The following TTN variants were observed in gnomAD, a reference collection of about 807,000 sequenced individuals.
The protein encoded by TTN is titin, also known as connectin.
Under a neutral mutation model 3,223.0 loss-of-function variants are expected in TTN, and 1,525 were observed. The observed-to-expected ratio is 0.47, with a 90% CI of 0.45 to 0.49. The LOEUF (loss-of-function observed/expected upper bound fraction) is 0.49. TTN is among the 20% of genes least tolerant of loss of function. The pLI is 0.00. For synonymous variants in TTN, 14,094 were observed against 15,161.0 expected (o/e 0.93, Z 5.17); for missense variants, 40,786 against 43,424.0 (o/e 0.94, Z 5.40).
At chr2:178,747,676 A>G (rs1227990166) in intron 47 of TTN, 2 of 1,612,900 alleles carry the variant, frequency 1.2e-6, no homozygotes, top group Non-Finnish European at 1.7e-6. Flanking sequence ...CAGCAAGTAA[A>G]TATTGTGTTA....
rs1330714909 is a variant in TTN at position 178,583,819 on chromosome 2, T to G, written c.65363A>C (p.Lys21788Thr). 2 of 1,609,944 alleles carry G rather than the reference T, an allele frequency of 1.2e-6. No homozygotes were observed. Among genetic ancestry groups the G allele is most frequent in the African/African-American group, 2.7e-5 (2 of 74,804 alleles). Residue 21788 changes from lysine to threonine, a missense_variant, in exon 312 of 363, where the codon AAA becomes ACA. Transcript: ENST00000589042. Reference sequence around the variant, plus strand: ...AGCTTCTACGAAATAGCCAATAATTTTACTGCCTCCATCATGCTTTGGACG... The same window carrying G: ...AGCTTCTACGAAATAGCCAATAATTGTACTGCCTCCATCATGCTTTGGACG... ...WARPKHDGGS[K>T]IIGYFVEACK... is the part of the protein sequence containing the mutation.
rs1278375861 is a variant in TTN, at chr2:178,567,083, T to C, written c.79049A>G (p.Lys26350Arg). The C allele has an allele frequency of 3.1e-6, 5 of 1,613,472 alleles. No homozygotes were observed. Among genetic ancestry groups the C allele is most frequent in the East Asian group, 4.5e-5 (2 of 44,852 alleles). Residue 26350 changes from lysine to arginine, a missense_variant, in exon 326 of 363, where the codon AAA (lysine) becomes AGA (arginine). Physicochemically the swap from Lys to Arg is conservative, Grantham distance 26 (BLOSUM62 2). Coordinates refer to ENST00000589042, the MANE Select transcript of TTN (RefSeq NM_001267550.2). ...AACATATTCATTACCTTCTAAGAGT[T>C]TGGTAACTTTCAGAGAATTGGTCAC... Reference protein sequence around the residue: ...EVVTNSLKVTKLLEGNEYVFR... With the variant: ...EVVTNSLKVTRLLEGNEYVFR...
intron 33 of TTN, chr2:178,772,804 G>A (rs900874143): frequency 5.3e-6 from 2 of 377,202 alleles, no homozygotes; most frequent in East Asian, 5.3e-5. Flanking sequence ...AATAAGACAA[G>A]TGCATAATAA....
Position 178,572,289 on chromosome 2 carries a change from C to G in TTN, c.73843G>C (p.Glu24615Gln), listed in dbSNP as rs374131909. 2 of 1,612,558 alleles carry G rather than the reference C, an allele frequency of 1.2e-6. No homozygotes were observed. The highest frequency in any genetic ancestry group is 1.7e-6 in the Non-Finnish European group (2 of 1,178,904). The change falls in exon 326 of 363, where the codon GAA becomes CAA. Residue 24615 changes from glutamate (E) to glutamine (Q), a missense_variant. Transcript: ENST00000589042. ...ATTTTTCCTGGAGGAAGAGGTCGTT[C>G]TGATGCTTTCACAGATTCTGCGGTT... ...AETAESVKAS[E>Q]RPLPPGKITL...
At position 178,572,147 on chromosome 2, in the gene TTN, T is replaced by C; in HGVS notation, c.73985A>G (p.Lys24662Arg). ...IVEMQTKGSD[K>R]WATCATVKVT... Reference sequence around the variant, plus strand: ...CTTGACTGTGGCACACGTGGCCCATTTGTCACTGCCTTTGGTCTGCATCTC... The same window carrying C: ...CTTGACTGTGGCACACGTGGCCCATCTGTCACTGCCTTTGGTCTGCATCTC... The change falls in exon 326 of 363, where the codon AAA (lysine) becomes AGA (arginine). Residue 24662 changes from lysine to arginine, a missense_variant. Coordinates refer to ENST00000589042, the MANE Select transcript of TTN (RefSeq NM_001267550.2). The C allele has an allele frequency of 6.2e-7, 1 of 1,613,422 alleles. No individual in the cohort carries two copies. The highest frequency in any genetic ancestry group is 8.5e-7 in the Non-Finnish European group (1 of 1,179,638).
chr2:178,712,338 C>A lies in TTN; in HGVS notation c.27584G>T (p.Cys9195Phe). 1 of 1,613,620 alleles carries A rather than the reference C, an allele frequency of 6.2e-7. No individual in the cohort carries two copies. Among genetic ancestry groups the A allele is most frequent in the South Asian group, 1.1e-5 (1 of 91,056 alleles). The change falls in exon 95 of 363, where the codon TGT (cysteine) becomes TTT (phenylalanine). Residue 9195 changes from cysteine (C) to phenylalanine (F), a missense_variant. Transcript: ENST00000589042. The part of the protein sequence containing the change: ...YIENASGKDS[C>F]SAQILILEPP... ...ACCTAGTATGAGTATTTGTGCTGAA[C>A]AGGAATCTTTTCCAGAGGCATTTTC...
intron 347 of TTN, 32 bp downstream of exon 347, chr2:178,543,037 T>A: frequency 6.1e-6 from 2 of 329,706 alleles, no homozygotes; most frequent in Non-Finnish European, 1.0e-5. Flanking sequence ...TTTACTTTAC[T>A]TTTTTTTTTT....
Position 178,795,367 on chromosome 2 carries a change from C to T in TTN, c.915-115G>A. The stretch of plus-strand genomic sequence containing the variant: ...AGGCAGAGTTTTAAAATGTGTGCCT[C>T]CATAACCCATTCAGAGGGTAAATAA... On this transcript the variant is annotated intron_variant, in intron 6 of 362. Coordinates refer to ENST00000589042, the MANE Select transcript of TTN (RefSeq NM_001267550.2). The T allele has an allele frequency of 4.4e-6, 4 of 909,602 alleles. No individual in the cohort carries two copies. The South Asian group carries it at 5.5e-5, about 13-fold the overall frequency. 56.3% of individuals were successfully genotyped at this position (909,602 alleles called of 1,614,324 possible).
Position 178,562,019 on chromosome 2 carries a change from G to A in TTN, c.84113C>T (p.Ser28038Leu). Reference sequence around the variant, plus strand: ...AACTGTTATGGATCCAGCACTGTTTGAAACACATAATTCATAAGTTCCAAC... The same window carrying A: ...AACTGTTATGGATCCAGCACTGTTTAAAACACATAATTCATAAGTTCCAAC... Reference protein sequence around the residue: ...EDVGTYELCVSNSAGSITVPI... With the variant: ...EDVGTYELCVLNSAGSITVPI... The change falls in exon 326 of 363, where the codon TCA (serine) becomes TTA (leucine). Residue 28038 changes from serine (S) to leucine (L), a missense_variant. Physicochemically the swap from Ser to Leu is moderately radical, Grantham distance 145. Transcript: ENST00000589042. 6.2e-7 allele frequency: 1 copy of A among 1,613,464 alleles called. No individual in the cohort carries two copies. Among genetic ancestry groups the A allele is most frequent in the Non-Finnish European group, 8.5e-7 (1 of 1,179,702 alleles).
intron 311 of TTN, 30 bp from the exon 312 acceptor site, chr2:178,583,936 T>TA: frequency 6.7e-7 from 1 of 1,487,742 alleles, no homozygotes; most frequent in Non-Finnish European, 9.0e-7. Flanking sequence ...ACTCACCATT[T>TA]ATCTTACCAG....
rs727504205 is a variant in TTN at position 178,718,115 on chromosome 2, C to A, written c.24891G>T (p.Trp8297Cys). Residue 8297 changes from tryptophan to cysteine, a missense_variant, in exon 86 of 363, where the codon TGG becomes TGT. Transcript: ENST00000589042. ...VDGTPEIRIS[W>C]YKEHTKLRSA... ...ATCGTAGCTTTGTGTGTTCTTTATA[C>A]CAAGAAATTCTAATTTCTGGAGTTC... 1.9e-6 allele frequency: 3 copies of A among 1,611,992 alleles called. No individual in the cohort carries two copies. The highest frequency in any genetic ancestry group is 2.5e-6 in the Non-Finnish European group (3 of 1,179,680).
At chr2:178,747,097 C>G in intron 47 of TTN, 1 of 1,610,010 alleles carries the variant, frequency 6.2e-7, no homozygotes, top group South Asian at 1.1e-5. Context: ...GCTCTAGAGT[C>G]TCTCCTGGGG....
Position 178,633,063 on chromosome 2 carries a change from A to G in TTN, c.43087-19T>C, listed in dbSNP as rs747245540. On this transcript the variant is annotated intron_variant, in intron 233 of 362. Coordinates refer to ENST00000589042, the MANE Select transcript of TTN (RefSeq NM_001267550.2). ...CACAGTCCTGTTTGGAGTGAGGGTT[A>G]GAAGGAAAGAAAGAACATCATTTAT... The G allele has an allele frequency of 6.2e-7, 1 of 1,607,926 alleles. No homozygotes were observed. The highest frequency in any genetic ancestry group is 8.5e-7 in the Non-Finnish European group (1 of 1,177,402).
At chr2:178,804,419 C>T (rs2094214897) in intron 2 of TTN, 133 bp downstream of exon 2, 1 of 806,826 alleles carries the variant, frequency 1.2e-6, no homozygotes, top group Non-Finnish European at 2.1e-6. Context: ...TTAAAATGAC[C>T]TTTCCATAGT....
At chr2:178,646,258 A>T (rs1364941084) in intron 216 of TTN, among the ~76,000 whole-genome samples, 1 of 150,830 alleles carries the variant, frequency 6.6e-6, no homozygotes, top group Non-Finnish European at 1.5e-5. Context: ...AAATACAGCA[A>T]AGGCACCAAT....
chr2:178,683,513 T>C (rs1471903461), intron 133 of TTN, among the ~76,000 whole-genome samples: 3 of 152,108 alleles, frequency 2.0e-5, no homozygotes, highest in Non-Finnish European at 4.4e-5. Context: ...AATCAAGTAG[T>C]ATTTATAAAA....
In TTN at chr2:178,583,761, G is replaced by A; in HGVS notation, c.65421C>T (p.Cys21807=). 6.2e-7 allele frequency: 1 copy of A among 1,611,656 alleles called. No homozygotes were observed. The highest frequency in any genetic ancestry group is 1.3e-5 in the African/African-American group (1 of 74,972). ...CKLPGDKWVR[C]NTAPHQIPQE... ...GGGGAATCTGGTGAGGTGCAGTATT[G>A]CACCGTACCCATTTATCACCAGGAA... The change falls in exon 312 of 363, where the codon TGC becomes TGT. Residue 21807 remains cysteine (C), a synonymous_variant. Coordinates refer to ENST00000589042, the MANE Select transcript of TTN (RefSeq NM_001267550.2).
At chr2:178,559,125 G>T (rs530087014) in intron 326 of TTN, among the ~76,000 whole-genome samples, 186 bp downstream of exon 326, 1 of 151,780 alleles carries the variant, frequency 6.6e-6, no homozygotes, top group Admixed American at 6.6e-5. Flanking sequence ...GTAAATTTCT[G>T]TTTTTTTAAT....
intron 233 of TTN, 55 bp from the exon 234 acceptor site, chr2:178,633,099 C>T (rs1372339165): frequency 6.2e-7 from 1 of 1,600,166 alleles, no homozygotes; most frequent in Non-Finnish European, 8.5e-7. Flanking sequence ...ATAGTTATTC[C>T]TACAAATCAT....
Sources: gnomAD v4.1 joint callset for allele counts (sites outside exome capture counted in the v4.1 genomes callset) on GRCh38, gnomAD v4.1.1 for gene constraint, MANE v1.5 for transcripts, NCBI Gene and HGNC (gene_info 2026-07-23, HGNC 2026-07-21) for gene names.